Variants in ADGB observed in about 807,000 individuals in gnomAD.
ADGB encodes androglobin, also known as calpain-7-like protein.
Under a neutral mutation model 210.5 loss-of-function variants are expected in ADGB, and 172 were observed. The ratio of observed to expected loss-of-function variants is 0.82; its 90% confidence interval spans 0.72 to 0.93. The LOEUF (loss-of-function observed/expected upper bound fraction) is 0.93. Ranked by LOEUF, ADGB falls within the 40% of genes least tolerant of loss-of-function variation. The probability of loss-of-function intolerance (pLI) is 0.00; values close to 1 mark genes in which losing one functional copy is unlikely to be tolerated. For missense variants in ADGB, 2,025 were observed against 1,964.8 expected, an observed-to-expected ratio of 1.03 and a Z score of -0.58; for synonymous variants, 658 against 662.7, an observed-to-expected ratio of 0.99 and a Z score of 0.11.
At chr6:146,663,169 A>T (rs927701965) in intron 5 of ADGB, among the ~76,000 whole-genome samples, 1 of 141,634 alleles carries the variant, frequency 7.1e-6, no homozygotes, top group East Asian at 2.0e-4. Flanking sequence ...TATATTTATT[A>T]TATATTATAT....
At chr6:146,760,601 C>CA (rs1777473258) in intron 27 of ADGB, among the ~76,000 whole-genome samples, 1 of 151,782 alleles carries the variant, frequency 6.6e-6, no homozygotes, top group Non-Finnish European at 1.5e-5. Flanking sequence ...CTTATGTTTT[C>CA]ATTTCACTTG....
intron 20 of ADGB, 66 bp from the exon 21 acceptor site, chr6:146,733,054 T>C (rs1462882893): frequency 8.2e-7 from 1 of 1,214,050 alleles, no homozygotes; most frequent in Non-Finnish European, 1.1e-6. Flanking sequence ...TATCTAAAAA[T>C]TTTTTAGAGC....
chr6:146,773,004 C>A (rs1454778484), intron 29 of ADGB, among the ~76,000 whole-genome samples: 1 of 152,002 alleles, frequency 6.6e-6, no homozygotes, highest in Non-Finnish European at 1.5e-5. Flanking sequence ...TCACGTGTGC[C>A]TAAAGAGGGA....
chr6:146,812,879 G>A (rs1376065533), intron 35 of ADGB, among the ~76,000 whole-genome samples: 2 of 152,116 alleles, frequency 1.3e-5, no homozygotes, highest in Non-Finnish European at 2.9e-5. Flanking sequence ...GGACAAATGT[G>A]CAATGCTTTG....
chr6:146,800,236 CT>C, intron 33 of ADGB, among the ~76,000 whole-genome samples: 1 of 152,070 alleles, frequency 6.6e-6, no homozygotes. Flanking sequence ...TGGTTTGACA[CT>C]TTCTTTGAAA....
intron 16 of ADGB, among the ~76,000 whole-genome samples, chr6:146,718,993 T>C (rs1562282494): frequency 2.0e-5 from 3 of 152,246 alleles, no homozygotes; most frequent in Admixed American, 1.3e-4. Context: ...CAGCATAATG[T>C]ACAGTTTACA....
intron 1 of ADGB, among the ~76,000 whole-genome samples, chr6:146,608,248 G>A (rs909247070): frequency 1.3e-5 from 2 of 151,580 alleles, no homozygotes; most frequent in Admixed American, 6.6e-5. Context: ...CAGAGCCAGC[G>A]GTAGTGTGTT....
At chr6:146,809,219 C>A (rs1207700329) in intron 35 of ADGB, among the ~76,000 whole-genome samples, 3 of 152,174 alleles carry the variant, frequency 2.0e-5, no homozygotes, top group African/African-American at 4.8e-5. Flanking sequence ...TTTGTCCCAA[C>A]ACTCAGCTTT....
rs1193294113 is a variant in ADGB, at chr6:146,807,992, G to T, written c.4818+5981G>T. Among the ~76,000 whole-genome samples the T allele has an allele frequency of 8.7e-3, 899 of 103,114 alleles. 5 individuals are homozygous for T. Among genetic ancestry groups the T allele is most frequent in the Non-Finnish European group, 0.014 (756 of 55,116 alleles). The allele number at this position is 103,114 out of a possible 152,430, so 67.6% of individuals were successfully genotyped here. On this transcript the variant is annotated intron_variant, in intron 35 of 35. Transcript: ENST00000397944. ...TAAAAATACTAATAACTATGCTTCA[G>T]TTTTTTTTTTTTTTTTTTTTTTCTG...
intron 35 of ADGB, among the ~76,000 whole-genome samples, chr6:146,804,550 T>C (rs1778182255): frequency 6.6e-6 from 1 of 152,126 alleles, no homozygotes; most frequent in Non-Finnish European, 1.5e-5. Context: ...GCAGAGACTA[T>C]GGAGATATCT....
intron 33 of ADGB, among the ~76,000 whole-genome samples, chr6:146,797,579 C>T (rs1313985780): frequency 6.6e-6 from 1 of 152,086 alleles, no homozygotes; most frequent in African/African-American, 2.4e-5. Flanking sequence ...TGGAATACTA[C>T]TCAGCCATAA....
At chr6:146,712,986 A>G (rs572197676) in intron 13 of ADGB, among the ~76,000 whole-genome samples, 10 of 152,000 alleles carry the variant, frequency 6.6e-5, no homozygotes, top group Non-Finnish European at 1.3e-4. Flanking sequence ...GGTACTTCAC[A>G]TAAGTGGAAT....
chr6:146,768,977 T>G (rs1007152369), intron 28 of ADGB, 43 bp from the exon 29 acceptor site: 5 of 1,042,440 alleles, frequency 4.8e-6, no homozygotes, highest in Non-Finnish European at 7.0e-6. Context: ...GCACATACCA[T>G]GTATGTTCTT....
intron 28 of ADGB, among the ~76,000 whole-genome samples, chr6:146,768,662 G>A (rs1273785671): frequency 1.3e-5 from 2 of 151,910 alleles, no homozygotes; most frequent in African/African-American, 2.4e-5. Flanking sequence ...TTTTTTCTGT[G>A]TCATGATCAC....
intron 28 of ADGB, among the ~76,000 whole-genome samples, chr6:146,766,184 A>G (rs1166986205): frequency 1.3e-5 from 2 of 151,624 alleles, no homozygotes; most frequent in Non-Finnish European, 2.9e-5. Flanking sequence ...GCACTTTGGG[A>G]GGCTGAGGCT....
chr6:146,711,909 TAGTC>T (rs1776662723), intron 13 of ADGB, among the ~76,000 whole-genome samples: 2 of 151,660 alleles, frequency 1.3e-5, no homozygotes, highest in Non-Finnish European at 2.9e-5. Flanking sequence ...CCAAAAACAT[TAGTC>T]AGGCATGGCG....
At chr6:146,616,999 G>A (rs1780811622) in intron 1 of ADGB, among the ~76,000 whole-genome samples, 1 of 152,034 alleles carries the variant, frequency 6.6e-6, no homozygotes, top group Non-Finnish European at 1.5e-5. Context: ...TTGGTATTTT[G>A]GAAGGGATTG....
chr6:146,731,672 T>C lies in ADGB; in HGVS notation c.2521-1448T>C, dbSNP rs143521533. Among the ~76,000 whole-genome samples the C allele has an allele frequency of 3.8e-3, 572 of 152,320 alleles. 7 individuals are homozygous for C. Among genetic ancestry groups the C allele is most frequent in the African/African-American group, 0.013 (551 of 41,590 alleles). On this transcript the variant is annotated intron_variant, in intron 20 of 35. Coordinates refer to ENST00000397944, the MANE Select transcript of ADGB (RefSeq NM_024694.4). ...AACCCTAATACCTCATGATAATCAATGTGAATTCTCCTCCTACCGTGTTAT... is the reference window on the plus strand; with the variant it reads ...AACCCTAATACCTCATGATAATCAACGTGAATTCTCCTCCTACCGTGTTAT...
At chr6:146,644,444 C>T (rs1386973146) in intron 2 of ADGB, among the ~76,000 whole-genome samples, 1 of 151,752 alleles carries the variant, frequency 6.6e-6, no homozygotes, top group African/African-American at 2.4e-5. Context: ...CCATATCTGG[C>T]CCATCGTAAA....
Sources: gnomAD v4.1 joint callset for allele counts (sites outside exome capture counted in the v4.1 genomes callset) on GRCh38, gnomAD v4.1.1 for gene constraint, MANE v1.5 for transcripts, NCBI Gene and HGNC (gene_info 2026-07-23, HGNC 2026-07-21) for gene names.